The following TBC1D1 variants were observed in gnomAD, a reference collection of about 807,000 sequenced individuals.
TBC1D1 encodes the protein TBC1 (tre-2/USP6, BUB2, cdc16) domain family, member 1.
A neutral mutation model predicts 125.6 loss-of-function variants in TBC1D1; 89 were observed. That is an observed-to-expected ratio of 0.71 (90% CI 0.60 to 0.85). TBC1D1 has a LOEUF of 0.85. TBC1D1 is among the 40% of genes least tolerant of loss of function. The pLI, the probability that TBC1D1 is intolerant of heterozygous loss-of-function variation, is 0.00. For synonymous variants in TBC1D1, 565 were observed against 564.1 expected, an observed-to-expected ratio of 1.00 and a Z score of -0.02; for missense variants, 1,377 against 1,469.2, an observed-to-expected ratio of 0.94 and a Z score of 1.03.
At chr4:38,114,726 C>T (rs995062384) in intron 15 of TBC1D1, among the ~76,000 whole-genome samples, 10 of 152,020 alleles carry the variant, frequency 6.6e-5, no homozygotes, top group Non-Finnish European at 1.0e-4. Flanking sequence ...ATCCTTTAAG[C>T]CTATTTGAAT....
intron 11 of TBC1D1, 99 bp downstream of exon 13, chr4:38,053,324 A>G: frequency 9.6e-7 from 1 of 1,041,534 alleles, no homozygotes; most frequent in African/African-American, 1.7e-5. Context: ...CCATTTAAAA[A>G]ATCATTTCAG....
At chr4:38,054,950 T>G (rs1169467886) in intron 12 of TBC1D1, 1 of 152,748 alleles carries the variant, frequency 6.5e-6, no homozygotes, top group Non-Finnish European at 1.5e-5. Context: ...GTTGTAGGCG[T>G]GCTCACTTGA....
At chr4:37,902,708 AATT>A (rs1716351601) in intron 2 of TBC1D1, among the ~76,000 whole-genome samples, 196 bp downstream of exon 2, 1 of 152,258 alleles carries the variant, frequency 6.6e-6, no homozygotes, top group Admixed American at 6.5e-5. Context: ...AGATACGAGA[AATT>A]ATCAGTTTTT....
At chr4:38,135,318 A>C (rs932018125) in intron 19 of TBC1D1, among the ~76,000 whole-genome samples, 1 of 152,244 alleles carries the variant, frequency 6.6e-6, no homozygotes, top group African/African-American at 2.4e-5. Context: ...TCTTTTGTTC[A>C]GCAGTACATC....
intron 2 of TBC1D1, among the ~76,000 whole-genome samples, chr4:37,936,890 G>T (rs1184669003): frequency 6.6e-6 from 1 of 152,194 alleles, no homozygotes; most frequent in Non-Finnish European, 1.5e-5. Flanking sequence ...ATGAATGAAT[G>T]AACAAATTGT....
chr4:38,081,616 C>CT (rs58193145), intron 12 of TBC1D1, among the ~76,000 whole-genome samples: 1 of 152,142 alleles, frequency 6.6e-6, no homozygotes, highest in South Asian at 2.1e-4. Flanking sequence ...AATAGATTAT[C>CT]TTTTTTAGAA....
chr4:38,011,243 C>T (rs948373272), intron 2 of TBC1D1, among the ~76,000 whole-genome samples: 2 of 151,564 alleles, frequency 1.3e-5, no homozygotes, highest in African/African-American at 2.4e-5. Context: ...ATCCTAGCTA[C>T]TCGGGAGGCT....
chr4:38,090,475 G>A (rs2303421), intron 13 of TBC1D1, among the ~76,000 whole-genome samples: 23,307 of 152,070 alleles, frequency 0.15, 1,899 homozygotes, highest in South Asian at 0.2. Flanking sequence ...GCCATGGTCT[G>A]TGCCTGTGTG....
intron 13 of TBC1D1, among the ~76,000 whole-genome samples, chr4:38,092,231 G>T (rs978642928): frequency 5.9e-5 from 9 of 152,088 alleles, no homozygotes; most frequent in Non-Finnish European, 2.9e-5. Context: ...ATAGGTTCAT[G>T]GAAACTGCGA....
At position 38,087,370 on chromosome 4, in the gene TBC1D1, G is replaced by A. The variant is rs1490971801; in HGVS notation, c.2051-2562G>A. Among the ~76,000 whole-genome samples the A allele has an allele frequency of 2.0e-5, 3 of 152,210 alleles. No individual in the cohort carries two copies. The South Asian group carries it at 6.2e-4, about 32-fold the overall frequency. ...TGGGGACAAACAGCCTCTACTGTTA[G>A]GAATGTTCCATCCTCCTGGCCTGAG... On this transcript the variant is annotated intron_variant, in intron 12 of 19. Coordinates refer to ENST00000261439, the MANE Select transcript of TBC1D1 (RefSeq NM_015173.4).
Position 38,103,075 on chromosome 4 carries a change from C to T in TBC1D1, c.2475C>T (p.Ser825=), listed in dbSNP as rs1760661759. 6.2e-7 allele frequency: 1 copy of T among 1,614,126 alleles called. No homozygotes were observed. The highest frequency in any genetic ancestry group is 8.5e-7 in the Non-Finnish European group (1 of 1,180,010). ...TCCACCTTAAACACCAGTTTCCCAG[C>T]AAACAGCAGCCAAAGGATGTGCCAT... The change falls in exon 15 of 20, where the codon AGC becomes AGT. Residue 825 remains serine, a synonymous_variant. Transcript: ENST00000261439.
At chr4:38,104,453 A>G (rs115220713) in intron 15 of TBC1D1, among the ~76,000 whole-genome samples, 22,049 of 152,198 alleles carry the variant, frequency 0.14, 2,126 homozygotes, top group East Asian at 0.47. Flanking sequence ...CCTGCCGCCT[A>G]TCACCCAAGC....
intron 2 of TBC1D1, chr4:37,960,912 C>T: frequency 6.2e-7 from 1 of 1,614,160 alleles, no homozygotes; most frequent in Non-Finnish European, 8.5e-7. Context: ...AAAGCTGTTT[C>T]AGCTGGGCCC....
intron 2 of TBC1D1, among the ~76,000 whole-genome samples, chr4:37,956,703 T>C (rs963334479): frequency 9.9e-5 from 15 of 152,012 alleles, no homozygotes; most frequent in African/African-American, 3.6e-4. Flanking sequence ...TCCCAGCACT[T>C]TGGGAGACCG....
At chr4:37,907,705 G>A (rs1440486819) in intron 2 of TBC1D1, among the ~76,000 whole-genome samples, 2 of 152,168 alleles carry the variant, frequency 1.3e-5, no homozygotes, top group African/African-American at 4.8e-5. Context: ...GGTTGCATGA[G>A]TGACCCTGAC....
chr4:38,032,616 C>T (rs1377278340), intron 7 of TBC1D1, among the ~76,000 whole-genome samples: 9 of 152,092 alleles, frequency 5.9e-5, no homozygotes, highest in South Asian at 2.1e-4. Context: ...GGGTGGATCA[C>T]GAGGTCAGGA....
intron 12 of TBC1D1, among the ~76,000 whole-genome samples, chr4:38,068,915 C>T (rs1754211888): frequency 6.6e-6 from 1 of 152,210 alleles, no homozygotes; most frequent in East Asian, 1.9e-4. Flanking sequence ...AATGTGGCAC[C>T]ATCAGCCTTC....
chr4:37,966,775 C>G (rs1052603299), intron 2 of TBC1D1, among the ~76,000 whole-genome samples: 11 of 152,194 alleles, frequency 7.2e-5, no homozygotes, highest in Non-Finnish European at 2.9e-5. Context: ...CCCCCTACCC[C>G]CCAACAGGCC....
intron 2 of TBC1D1, among the ~76,000 whole-genome samples, chr4:37,985,543 T>G (rs1239064638): frequency 6.6e-6 from 1 of 152,252 alleles, no homozygotes. Flanking sequence ...CCTGTTTTCT[T>G]GTGTCTGAAA....
Sources: allele counts gnomAD v4.1 joint callset (sites outside exome capture counted in the v4.1 genomes callset), GRCh38; gene constraint gnomAD v4.1.1; transcripts MANE v1.5; gene names NCBI Gene and HGNC (gene_info 2026-07-23, HGNC 2026-07-21).